The following ACOT9 variants were observed in gnomAD, a reference collection of about 807,000 sequenced individuals.
ACOT9 encodes acyl-CoA thioesterase 9.
In ACOT9, 34 loss-of-function variants were observed where a neutral mutation model predicts 39.7. The observed-to-expected ratio is 0.86, with a 90% CI of 0.65 to 1.14. ACOT9 has a LOEUF of 1.14. ACOT9 is among the 50% of genes most tolerant of loss of function. The pLI, the probability that ACOT9 is intolerant of heterozygous loss-of-function variation, is 0.00. For synonymous variants in ACOT9, 110 were observed against 120.5 expected (o/e 0.91, Z 0.57); for missense variants, 313 against 344.1 (o/e 0.91, Z 0.71).
At chrX:23,727,952 C>T (rs1190757690) in intron 6 of ACOT9, among the ~76,000 whole-genome samples, 2 of 100,144 alleles carry the variant, frequency 2.0e-5, no homozygotes, top group Non-Finnish European at 4.0e-5. Flanking sequence ...GAGCCAAGAT[C>T]GGACCACTCT....
chrX:23,718,789 C>T (rs1929178713), intron 8 of ACOT9, among the ~76,000 whole-genome samples: 2 of 108,228 alleles, frequency 1.8e-5, no homozygotes, highest in South Asian at 8.2e-4. Flanking sequence ...ACCTGTAGTC[C>T]CAGCTACTTG....
chrX:23,712,819 C>T (rs1457920910), intron 9 of ACOT9, among the ~76,000 whole-genome samples: 1 of 112,503 alleles, frequency 8.9e-6, no homozygotes, highest in Non-Finnish European at 1.9e-5. Flanking sequence ...TGGGGTTTCA[C>T]CATGCCGGCC....
intron 9 of ACOT9, among the ~76,000 whole-genome samples, chrX:23,710,558 A>G (rs1179405030): frequency 1.8e-5 from 2 of 112,400 alleles, no homozygotes; most frequent in Non-Finnish European, 3.7e-5. Flanking sequence ...CCATGAATTC[A>G]TAATGATGCT....
At chrX:23,712,339 A>G (rs1305485931) in intron 9 of ACOT9, among the ~76,000 whole-genome samples, 1 of 100,218 alleles carries the variant, frequency 1.0e-5, no homozygotes, top group Non-Finnish European at 2.0e-5. Flanking sequence ...CAGGAGGCGG[A>G]GGTTGCAGTG....
rs770382735 is a variant in ACOT9 at position 23,743,074 on chromosome X, T to C, written c.20+51A>G. ...AGCCCGAAGCTCTAGGGGAAGACGA[T>C]GGCACCCCAGGCTACCGCCCTGCCA... is the stretch of plus-strand genomic sequence containing the variant. On this transcript the variant is annotated intron_variant, in intron 1 of 15. Transcript: ENST00000379303. 452 of 1,119,000 alleles carry C rather than the reference T, an allele frequency of 4.0e-4. 2 individuals carry two copies. The South Asian group carries it at 9.0e-3, about 22-fold the overall frequency. The allele number at this position is 1,119,000 out of a possible 1,213,427, so 92.2% of individuals were successfully genotyped here.
rs761920088 is a variant in ACOT9 at position 23,705,085 on chromosome X, T to C, written c.1020-5A>G. 1 of 1,204,913 alleles carries C rather than the reference T, an allele frequency of 8.3e-7. No homozygotes were observed. The highest frequency in any genetic ancestry group is 1.8e-5 in the African/African-American group (1 of 57,087). On this transcript the variant is annotated splice_polypyrimidine_tract_variant and splice_region_variant and intron_variant, in intron 13 of 15. Transcript: ENST00000379303. Reference sequence around the variant, plus strand: ...ACCACAAACGGTCGAGAACCACTGTTGGGGGAAAGGACAGAATTTGGGGTA... The same window carrying C: ...ACCACAAACGGTCGAGAACCACTGTCGGGGGAAAGGACAGAATTTGGGGTA...
chrX:23,719,988 C>CCACG (rs1189770328), intron 8 of ACOT9, among the ~76,000 whole-genome samples: 1 of 105,720 alleles, frequency 9.5e-6, no homozygotes, highest in East Asian at 2.8e-4. Flanking sequence ...GCACCCGCCA[C>CCACG]CACGCCCGGC....
At chrX:23,708,781 T>C (rs1215244089) in intron 9 of ACOT9, among the ~76,000 whole-genome samples, 1 of 111,351 alleles carries the variant, frequency 9.0e-6, no homozygotes, top group African/African-American at 3.3e-5. Flanking sequence ...ATTTCTCAGA[T>C]ATAATAAAGG....
chrX:23,740,762 A>ACACACACACACC (rs1274920170), intron 1 of ACOT9, among the ~76,000 whole-genome samples: 2 of 87,626 alleles, frequency 2.3e-5, no homozygotes, highest in Non-Finnish European at 2.2e-5. Context: ...ACACACACAC[A>ACACACACACACC]CCGCACTGAG....
intron 6 of ACOT9, among the ~76,000 whole-genome samples, chrX:23,725,669 T>A (rs1055316206): frequency 1.2e-4 from 13 of 105,965 alleles, no homozygotes; most frequent in African/African-American, 4.5e-4. Context: ...ATCAAAAAAA[T>A]TAGCTGGGCA....
At chrX:23,733,921 C>T (rs1929845653) in intron 3 of ACOT9, among the ~76,000 whole-genome samples, 1 of 111,836 alleles carries the variant, frequency 8.9e-6, no homozygotes, top group African/African-American at 3.2e-5. Flanking sequence ...ATCACCATGC[C>T]CTGCTAATTT....
intron 8 of ACOT9, 47 bp from the exon 9 acceptor site, chrX:23,713,255 C>T (rs1332678939): frequency 2.9e-6 from 3 of 1,034,777 alleles, no homozygotes; most frequent in African/African-American, 1.8e-5. Flanking sequence ...ATGGATTTAT[C>T]GGGAAGACCT....
At chrX:23,715,354 C>A (rs988570542) in intron 8 of ACOT9, among the ~76,000 whole-genome samples, 9 of 111,646 alleles carry the variant, frequency 8.1e-5, no homozygotes, top group Admixed American at 5.8e-4. Context: ...CAGCCTCATT[C>A]TTCACGACAT....
At chrX:23,709,854 T>G (rs997699944) in intron 9 of ACOT9, among the ~76,000 whole-genome samples, 1 of 112,143 alleles carries the variant, frequency 8.9e-6, no homozygotes, top group Non-Finnish European at 1.9e-5. Context: ...TTGAAGTCTA[T>G]ATGGTTAAAT....
At chrX:23,729,079 C>A (rs979343826) in intron 6 of ACOT9, among the ~76,000 whole-genome samples, 5 of 107,394 alleles carry the variant, frequency 4.7e-5, no homozygotes, top group Middle Eastern at 4.7e-3. Flanking sequence ...CACCCCCCCC[C>A]ACATAAGGTA....
chrX:23,704,596 T>G (rs1309736907), intron 15 of ACOT9, 98 bp downstream of exon 15: 1 of 960,940 alleles, frequency 1.0e-6, no homozygotes, highest in East Asian at 3.1e-5. Flanking sequence ...CATGCTCTTG[T>G]GCTGACAGGC....
At chrX:23,737,582 A>G (rs1020945244) in intron 1 of ACOT9, among the ~76,000 whole-genome samples, 7 of 112,122 alleles carry the variant, frequency 6.2e-5, no homozygotes, top group Admixed American at 4.8e-4. Flanking sequence ...TGCTGTTAGA[A>G]CAAATCCTTA....
chrX:23,720,440 G>T (rs760778927), intron 8 of ACOT9, among the ~76,000 whole-genome samples: 2 of 111,330 alleles, frequency 1.8e-5, no homozygotes, highest in Non-Finnish European at 3.8e-5. Context: ...AGGTCATGCC[G>T]GAGTAGCGTG....
intron 10 of ACOT9, 175 bp from the exon 11 acceptor site, chrX:23,706,914 T>A: frequency 2.6e-6 from 1 of 390,955 alleles, no homozygotes; most frequent in Non-Finnish European, 4.5e-6. Context: ...GAAATTATAT[T>A]GGTTCAGTGT....
Sources: allele counts gnomAD v4.1 joint callset (sites outside exome capture counted in the v4.1 genomes callset), GRCh38; gene constraint gnomAD v4.1.1; transcripts MANE v1.5; gene names NCBI Gene and HGNC (gene_info 2026-07-23, HGNC 2026-07-21).